RORA: variants seen among roughly 807,000 people sequenced by gnomAD.
The protein encoded by RORA is nuclear receptor ROR-alpha.
In RORA, 7 loss-of-function variants were observed where a neutral mutation model predicts 69.5. The observed-to-expected ratio is 0.10, with a 90% CI of 0.06 to 0.19. The LOEUF (loss-of-function observed/expected upper bound fraction) is 0.19. RORA is among the 10% of genes least tolerant of loss of function. The pLI is 1.00. For missense variants in RORA, 457 were observed against 663.0 expected (o/e 0.69, Z 3.41); for synonymous variants, 261 against 240.8 (o/e 1.08, Z -0.78).
intron 1 of RORA, among the ~76,000 whole-genome samples, chr15:61,172,309 T>C (rs555402364): frequency 6.6e-6 from 1 of 152,340 alleles, no homozygotes; most frequent in South Asian, 2.1e-4. Context: ...ACGTATTTCA[T>C]TATTCCTTTC....
chr15:61,099,984 G>A (rs942008608), intron 1 of RORA, among the ~76,000 whole-genome samples: 2 of 151,890 alleles, frequency 1.3e-5, no homozygotes, highest in African/African-American at 4.8e-5. Context: ...TAAAAAGAAG[G>A]AAACAAGTCT....
At chr15:60,990,792 C>T (rs894215083) in intron 1 of RORA, among the ~76,000 whole-genome samples, 15 of 152,118 alleles carry the variant, frequency 9.9e-5, no homozygotes, top group African/African-American at 3.1e-4. Flanking sequence ...ATTTAATACA[C>T]ATTTACTCAA....
At chr15:60,571,301 T>C (rs944015312) in intron 2 of RORA, among the ~76,000 whole-genome samples, 1 of 151,800 alleles carries the variant, frequency 6.6e-6, no homozygotes, top group African/African-American at 2.4e-5. Context: ...TAATGGTATA[T>C]TTGAAGTGGT....
intron 1 of RORA, among the ~76,000 whole-genome samples, chr15:60,914,800 T>A (rs894332705): frequency 2.6e-5 from 4 of 152,144 alleles, no homozygotes; most frequent in Admixed American, 2.0e-4. Flanking sequence ...ACTAAAAATC[T>A]CAGACATCGT....
At chr15:60,961,950 TG>T (rs1893426288) in intron 1 of RORA, among the ~76,000 whole-genome samples, 1 of 152,166 alleles carries the variant, frequency 6.6e-6, no homozygotes, top group Non-Finnish European at 1.5e-5. Flanking sequence ...TGAAAGGTGC[TG>T]GGGTTTGTAT....
intron 1 of RORA, among the ~76,000 whole-genome samples, chr15:61,151,603 T>A (rs936929999): frequency 6.6e-6 from 1 of 152,216 alleles, no homozygotes; most frequent in African/African-American, 2.4e-5. Context: ...GCATGTTAAA[T>A]CCCACAGGAT....
At position 61,007,117 on chromosome 15, in the gene RORA, T is replaced by C. The variant is rs189930808; in HGVS notation, c.166+221936A>G. Among the ~76,000 whole-genome samples the C allele has an allele frequency of 2.6e-5, 4 of 152,194 alleles. No individual in the cohort carries two copies. The East Asian group carries it at 7.8e-4, about 30-fold the overall frequency. On this transcript the variant is annotated intron_variant, in intron 1 of 10. Transcript: ENST00000335670. ...ATGGCAAATCTATTATAACTGCCTG[T>C]CCAGGGCTATGAACACCATTGGAGT...
chr15:60,722,104 C>T (rs552671563), intron 1 of RORA, among the ~76,000 whole-genome samples: 2 of 152,350 alleles, frequency 1.3e-5, no homozygotes, highest in East Asian at 3.9e-4. Flanking sequence ...GAAATAACAT[C>T]AGTTCACATT....
chr15:61,032,622 A>C (rs1454414160), intron 1 of RORA, among the ~76,000 whole-genome samples: 1 of 152,190 alleles, frequency 6.6e-6, no homozygotes, highest in African/African-American at 2.4e-5. Flanking sequence ...TCACAACTAA[A>C]GTCATTTTGA....
intron 5 of RORA, among the ~76,000 whole-genome samples, chr15:60,507,174 AT>A (rs1417751492): frequency 6.6e-6 from 1 of 152,138 alleles, no homozygotes; most frequent in Non-Finnish European, 1.5e-5. Flanking sequence ...TTAAAGAAGT[AT>A]TTTTTAAAAG....
chr15:60,577,651 A>C (rs1168642334), intron 2 of RORA, among the ~76,000 whole-genome samples: 2 of 151,956 alleles, frequency 1.3e-5, no homozygotes, highest in Non-Finnish European at 2.9e-5. Flanking sequence ...TTCCAAAAAA[A>C]AAAAAAAAAA....
chr15:61,055,029 G>A (rs575477714), intron 1 of RORA, among the ~76,000 whole-genome samples: 1 of 152,002 alleles, frequency 6.6e-6, no homozygotes, highest in African/African-American at 2.4e-5. Context: ...TAGAGACAGG[G>A]TTTCACTATG....
rs1490845040 is a variant in RORA at position 61,226,964 on chromosome 15, T to C, written c.166+2089A>G. 6.6e-6 allele frequency among the ~76,000 whole-genome samples: 1 copy of C among 152,142 alleles called. No homozygotes were observed. Among genetic ancestry groups the C allele is most frequent in the Non-Finnish European group, 1.5e-5 (1 of 68,028 alleles). On this transcript the variant is annotated intron_variant, in intron 1 of 10. Coordinates refer to ENST00000335670, the MANE Select transcript of RORA (RefSeq NM_134261.3). The surrounding 1 kb of genome is among the most constrained non-coding windows in gnomAD (Gnocchi z 4.2). ...TCCTACTATGCCCCTCTCCCCTTTTTGCTGAGCCTAAGGGGGCTGGTGGCA... is the reference window on the plus strand; with the variant it reads ...TCCTACTATGCCCCTCTCCCCTTTTCGCTGAGCCTAAGGGGGCTGGTGGCA...
At chr15:60,884,596 A>G (rs2073730774) in intron 1 of RORA, among the ~76,000 whole-genome samples, 1 of 152,224 alleles carries the variant, frequency 6.6e-6, no homozygotes, top group Non-Finnish European at 1.5e-5. Flanking sequence ...AGGGAGAGAG[A>G]CAGGGAGATG....
intron 1 of RORA, among the ~76,000 whole-genome samples, chr15:60,786,095 C>T (rs1209036431): frequency 6.6e-6 from 1 of 152,222 alleles, no homozygotes; most frequent in Non-Finnish European, 1.5e-5. Context: ...CGCCAAAAGA[C>T]ATGGTTCCAG....
At chr15:61,149,443 A>G (rs1260607009) in intron 1 of RORA, among the ~76,000 whole-genome samples, 4 of 150,768 alleles carry the variant, frequency 2.7e-5, no homozygotes, top group Non-Finnish European at 3.0e-5. Context: ...CACTACTAGA[A>G]AAGAAGTTAC....
At chr15:60,625,275 T>C (rs528464426) in intron 2 of RORA, among the ~76,000 whole-genome samples, 2 of 144,292 alleles carry the variant, frequency 1.4e-5, no homozygotes, top group East Asian at 4.0e-4. Flanking sequence ...AAACAAATCT[T>C]TTTTTTTGTT....
intron 1 of RORA, among the ~76,000 whole-genome samples, chr15:60,982,773 C>T (rs1894083940): frequency 1.3e-5 from 2 of 152,096 alleles, no homozygotes; most frequent in South Asian, 4.1e-4. Context: ...ATAAATGCTT[C>T]CCAGAGTACT....
chr15:61,058,368 A>G (rs2078124562), intron 1 of RORA, among the ~76,000 whole-genome samples: 1 of 152,174 alleles, frequency 6.6e-6, no homozygotes, highest in South Asian at 2.1e-4. Flanking sequence ...GTGCCAGTTC[A>G]GGAGGAAGAA....
Sources: allele counts gnomAD v4.1 joint callset (sites outside exome capture counted in the v4.1 genomes callset), GRCh38; gene constraint gnomAD v4.1.1; non-coding constraint Gnocchi (gnomAD v3.1); transcripts MANE v1.5; gene names NCBI Gene and HGNC (gene_info 2026-07-23, HGNC 2026-07-21).